Variants in ARHGAP24 observed in about 807,000 individuals in gnomAD.
The protein encoded by ARHGAP24 is Rho GTPase activating protein 24.
A neutral mutation model predicts 76.4 loss-of-function variants in ARHGAP24; 50 were observed. The observed-to-expected ratio is 0.65, with a 90% CI of 0.52 to 0.83. The LOEUF is 0.83. ARHGAP24 is among the 40% of genes least tolerant of loss of function. The pLI, the probability that ARHGAP24 is intolerant of heterozygous loss-of-function variation, is 0.00. For synonymous variants in ARHGAP24, 345 were observed against 323.3 expected, an observed-to-expected ratio of 1.07 and a Z score of -0.72; for missense variants, 930 against 914.2, an observed-to-expected ratio of 1.02 and a Z score of -0.22.
intron 2 of ARHGAP24, chr4:85,686,717 A>C (rs913623964): frequency 1.3e-5 from 2 of 152,192 alleles, no homozygotes; most frequent in Non-Finnish European, 2.9e-5. Context: ...GTGAAATACA[A>C]ATACACTTGT....
chr4:85,496,308 C>G (rs1723582481), intron 1 of ARHGAP24, among the ~76,000 whole-genome samples: 1 of 152,232 alleles, frequency 6.6e-6, no homozygotes. Flanking sequence ...ATGTGCCTTT[C>G]AGGCTTAGCA....
chr4:85,726,425 C>T (rs1725167679), intron 3 of ARHGAP24, among the ~76,000 whole-genome samples: 1 of 152,182 alleles, frequency 6.6e-6, no homozygotes, highest in Non-Finnish European at 1.5e-5. Flanking sequence ...GCGACAGGAA[C>T]ACCTGCCCTG....
At chr4:85,936,345 C>T (rs193260472) in intron 4 of ARHGAP24, among the ~76,000 whole-genome samples, 1 of 152,176 alleles carries the variant, frequency 6.6e-6, no homozygotes, top group Non-Finnish European at 1.5e-5. Context: ...TGCATTTATT[C>T]CATAAATGTT....
chr4:85,722,752 C>T (rs1219402324), intron 3 of ARHGAP24, among the ~76,000 whole-genome samples: 3 of 152,046 alleles, frequency 2.0e-5, no homozygotes, highest in South Asian at 4.1e-4. Context: ...AATCTGGCTC[C>T]GGTTGACCGT....
intron 3 of ARHGAP24, among the ~76,000 whole-genome samples, chr4:85,872,120 T>A (rs1036037260): frequency 6.6e-6 from 1 of 151,876 alleles, no homozygotes; most frequent in Non-Finnish European, 1.5e-5. Context: ...TGCATGTTTG[T>A]TTTCATCTAG....
intron 2 of ARHGAP24, among the ~76,000 whole-genome samples, chr4:85,685,698 T>C (rs1723397307): frequency 6.6e-6 from 1 of 151,744 alleles, no homozygotes; most frequent in African/African-American, 2.4e-5. Flanking sequence ...GCCTATCTCC[T>C]GGTCCCAAAA....
At chr4:85,702,184 T>C (rs913504053) in intron 2 of ARHGAP24, among the ~76,000 whole-genome samples, 4 of 152,196 alleles carry the variant, frequency 2.6e-5, no homozygotes, top group African/African-American at 4.8e-5. Context: ...GACTCTAGCA[T>C]ATGTAAATAT....
At chr4:85,796,507 G>A (rs1728346962) in intron 3 of ARHGAP24, among the ~76,000 whole-genome samples, 2 of 152,086 alleles carry the variant, frequency 1.3e-5, no homozygotes, top group Admixed American at 6.6e-5. Flanking sequence ...ACATAAAATT[G>A]AGAAGTCCAA....
intron 3 of ARHGAP24, chr4:85,778,646 T>C (rs970372260): frequency 3.1e-6 from 3 of 971,090 alleles, no homozygotes; most frequent in Non-Finnish European, 3.7e-6. Flanking sequence ...TACTACATTA[T>C]TTAAGGTATA....
At chr4:85,618,979 C>T (rs1720622529) in intron 2 of ARHGAP24, among the ~76,000 whole-genome samples, 1 of 151,962 alleles carries the variant, frequency 6.6e-6, no homozygotes, top group Non-Finnish European at 1.5e-5. Context: ...GATGTAATCA[C>T]ATTTGTCTAT....
chr4:85,598,570 T>A (rs1052404995), intron 2 of ARHGAP24, among the ~76,000 whole-genome samples: 3 of 152,192 alleles, frequency 2.0e-5, no homozygotes, highest in African/African-American at 7.2e-5. Context: ...ATCTTGAAAT[T>A]ATTATTTGAA....
At chr4:85,740,194 T>G (rs1725761785) in intron 3 of ARHGAP24, among the ~76,000 whole-genome samples, 1 of 150,854 alleles carries the variant, frequency 6.6e-6, no homozygotes, top group African/African-American at 2.4e-5. Flanking sequence ...ACCTCCGATC[T>G]GGGATATTCT....
chr4:85,778,815 GA>G lies in ARHGAP24; in HGVS notation c.268+56846del, dbSNP rs1358641054. 1.1e-5 allele frequency: 11 copies of G among 985,270 alleles called. No homozygotes were observed. The East Asian group carries it at 9.1e-4, about 81-fold the overall frequency. 61.0% of individuals were successfully genotyped at this position (985,270 alleles called of 1,614,324 possible). On this transcript the variant is annotated intron_variant, in intron 3 of 9. Transcript: ENST00000395184. ...ACTTAAATATAGCTACCACCGCTTT[GA>G]AAGGAATGGTTTGTGTCCAAACAGC... is the stretch of plus-strand genomic sequence containing the variant.
intron 1 of ARHGAP24, among the ~76,000 whole-genome samples, chr4:85,564,490 A>G (rs1262152209): frequency 6.6e-6 from 1 of 151,880 alleles, no homozygotes; most frequent in Non-Finnish European, 1.5e-5. Context: ...ATGTATACAT[A>G]TGTAACAAAC....
At chr4:85,881,512 G>A (rs143548958) in intron 3 of ARHGAP24, among the ~76,000 whole-genome samples, 14 of 151,344 alleles carry the variant, frequency 9.3e-5, no homozygotes, top group African/African-American at 2.2e-4. Flanking sequence ...GTAAATTTCC[G>A]TTCATCTCTT....
chr4:85,853,079 G>C (rs909590533), intron 3 of ARHGAP24, among the ~76,000 whole-genome samples: 1 of 152,228 alleles, frequency 6.6e-6, no homozygotes, highest in Non-Finnish European at 1.5e-5. Flanking sequence ...CCTGCCACCA[G>C]AGGTGGAGTC....
At chr4:85,909,727 C>G (rs1197726666) in intron 3 of ARHGAP24, among the ~76,000 whole-genome samples, 1 of 152,188 alleles carries the variant, frequency 6.6e-6, no homozygotes, top group Admixed American at 6.5e-5. Flanking sequence ...TGCACAGCAT[C>G]AATCTATCAG....
intron 4 of ARHGAP24, among the ~76,000 whole-genome samples, chr4:85,924,489 C>A (rs1253282459): frequency 1.3e-4 from 20 of 152,004 alleles, no homozygotes; most frequent in Non-Finnish European, 1.5e-5. Flanking sequence ...TCTACAACCA[C>A]AATATATTTC....
chr4:85,535,002 A>T (rs6838692), intron 1 of ARHGAP24, among the ~76,000 whole-genome samples: 39,590 of 151,814 alleles, frequency 0.26, 6,734 homozygotes, highest in East Asian at 0.79. Flanking sequence ...GTATTTAATT[A>T]AGTGGGTTTG....
Sources: allele counts gnomAD v4.1 joint callset (sites outside exome capture counted in the v4.1 genomes callset), GRCh38; gene constraint gnomAD v4.1.1; transcripts MANE v1.5; gene names NCBI Gene and HGNC (gene_info 2026-07-23, HGNC 2026-07-21).